Variants in PALM2AKAP2 observed in about 807,000 individuals in gnomAD.
The protein encoded by PALM2AKAP2 is PALM2 and AKAP2 fusion, also known as PALM2-AKAP2 fusion protein.
In PALM2AKAP2, 37 loss-of-function variants were observed where a neutral mutation model predicts 71.5. The observed-to-expected ratio is 0.52, with a 90% CI of 0.40 to 0.68. The LOEUF (loss-of-function observed/expected upper bound fraction) is 0.68, where lower values mean the gene tolerates loss of function less well. Among genes scored for constraint, PALM2AKAP2 ranks in the 30% least tolerant of loss-of-function variants. PALM2AKAP2 has a pLI of 0.00. For missense variants in PALM2AKAP2, 1,224 were observed against 1,191.8 expected, an observed-to-expected ratio of 1.03 and a Z score of -0.40; for synonymous variants, 468 against 478.8, an observed-to-expected ratio of 0.98 and a Z score of 0.29.
At chr9:109,793,225 T>C (rs1469695846) in intron 1 of PALM2AKAP2, among the ~76,000 whole-genome samples, 1 of 152,238 alleles carries the variant, frequency 6.6e-6, no homozygotes. Context: ...TGATCTAATA[T>C]GTGCTCAAGG....
intron 7 of PALM2AKAP2, chr9:110,025,099 C>T (rs1282172973): frequency 3.5e-6 from 4 of 1,133,092 alleles, no homozygotes; most frequent in Middle Eastern, 2.0e-4. Context: ...CACATTAATT[C>T]TCTTGGCAAG....
upstream of PALM2AKAP2, among the ~76,000 whole-genome samples, chr9:109,776,472 A>G (rs1829350176): frequency 6.6e-6 from 1 of 152,212 alleles, no homozygotes; most frequent in South Asian, 2.1e-4. Context: ...AAGCTTGGGC[A>G]ATGGGTACAA....
intron 1 of PALM2AKAP2, among the ~76,000 whole-genome samples, chr9:109,649,685 A>G (rs982345795): frequency 3.3e-5 from 5 of 152,204 alleles, no homozygotes; most frequent in African/African-American, 7.2e-5. Flanking sequence ...TGCATTTATT[A>G]TCCATTTCCA....
intron 6 of PALM2AKAP2, among the ~76,000 whole-genome samples, chr9:109,983,468 T>G (rs1224298634): frequency 1.3e-5 from 2 of 152,156 alleles, no homozygotes; most frequent in African/African-American, 4.8e-5. Flanking sequence ...CTCCCTCTTC[T>G]TTTCCTCTCT....
At chr9:109,649,462 A>G (rs1827196416) in intron 1 of PALM2AKAP2, among the ~76,000 whole-genome samples, 2 of 152,112 alleles carry the variant, frequency 1.3e-5, no homozygotes, top group South Asian at 4.1e-4. Context: ...GTTATCTTCA[A>G]TTTATTTTCT....
At chr9:109,732,164 A>G (rs990997771) in intron 1 of PALM2AKAP2, among the ~76,000 whole-genome samples, 1 of 152,356 alleles carries the variant, frequency 6.6e-6, no homozygotes, top group African/African-American at 2.4e-5. Context: ...CAATGTACAG[A>G]TCAATGGAAG....
chr9:109,807,333 A>T (rs774915122), intron 1 of PALM2AKAP2, among the ~76,000 whole-genome samples: 1 of 152,208 alleles, frequency 6.6e-6, no homozygotes, highest in Non-Finnish European at 1.5e-5. Context: ...GGAAGTGTTG[A>T]GTGGTCAGTG....
At chr9:109,963,070 A>G (rs935673920) in intron 6 of PALM2AKAP2, among the ~76,000 whole-genome samples, 3 of 152,188 alleles carry the variant, frequency 2.0e-5, no homozygotes, top group African/African-American at 7.2e-5. Context: ...AGTTATGAGG[A>G]CAGACATCCT....
intron 6 of PALM2AKAP2, among the ~76,000 whole-genome samples, chr9:109,998,713 G>A (rs1307720020): frequency 1.4e-5 from 2 of 147,718 alleles, no homozygotes; most frequent in Non-Finnish European, 3.0e-5. Flanking sequence ...GCTGCAGTAA[G>A]CTATGATTGC....
intron 1 of PALM2AKAP2, among the ~76,000 whole-genome samples, chr9:110,119,147 AT>A (rs1835427665): frequency 6.6e-6 from 1 of 152,064 alleles, no homozygotes; most frequent in Non-Finnish European, 1.5e-5. Context: ...GATCGAGACC[AT>A]CCTGGCCAAC....
intron 1 of PALM2AKAP2, among the ~76,000 whole-genome samples, chr9:109,665,497 GC>G (rs1314442455): frequency 6.6e-6 from 1 of 152,200 alleles, no homozygotes; most frequent in East Asian, 1.9e-4. Flanking sequence ...GACACTGTTT[GC>G]CTGGGTATCG....
chr9:109,754,013 G>A (rs930771193), intron 1 of PALM2AKAP2, among the ~76,000 whole-genome samples: 4 of 152,114 alleles, frequency 2.6e-5, no homozygotes, highest in African/African-American at 9.7e-5. Context: ...AAATAAATCT[G>A]CATATACACA....
At chr9:109,880,897 A>G (rs1195780229) in intron 3 of PALM2AKAP2, among the ~76,000 whole-genome samples, 2 of 152,066 alleles carry the variant, frequency 1.3e-5, no homozygotes, top group Non-Finnish European at 2.9e-5. Context: ...TTTAACTTTT[A>G]TTTTAAGTTT....
At chr9:109,853,663 T>C (rs1431027680) in intron 1 of PALM2AKAP2, among the ~76,000 whole-genome samples, 1 of 152,220 alleles carries the variant, frequency 6.6e-6, no homozygotes, top group East Asian at 1.9e-4. Context: ...AAGTGAAATG[T>C]GTTGTTCAAA....
chr9:110,136,062 G>T (rs1233810288), intron 1 of PALM2AKAP2, 65 bp from the exon 8 acceptor site: 1 of 1,494,284 alleles, frequency 6.7e-7, no homozygotes, highest in Non-Finnish European at 8.9e-7. Flanking sequence ...GAGTCAGTTT[G>T]TCAGCATTCA....
intron 1 of PALM2AKAP2, among the ~76,000 whole-genome samples, chr9:109,644,281 A>G (rs1827115788): frequency 6.6e-6 from 1 of 151,972 alleles, no homozygotes; most frequent in South Asian, 2.1e-4. Context: ...TGTGCCAAAT[A>G]CTGCCCCTAC....
exon 2 of PALM2AKAP2, chr9:110,137,483 G>A (rs1285105560): frequency 6.2e-7 from 1 of 1,614,102 alleles, no homozygotes; most frequent in East Asian, 2.2e-5. Flanking sequence ...GGGGAAGGAA[G>A]GGCCCTACAG....
In PALM2AKAP2 at chr9:110,069,892, G is replaced by A. The variant is rs538901095; in HGVS notation, c.156+21037G>A. On this transcript the variant is annotated intron_variant, in intron 1 of 3. Coordinates refer to ENST00000374525, the Ensembl canonical transcript of PALM2AKAP2. ...ATAGTTTTATAAGAATTTTTACTTC[G>A]GTTAAATCATAATCAGGCGGCTATT... Among the ~76,000 whole-genome samples the A allele has an allele frequency of 2.6e-5, 4 of 152,276 alleles. No homozygotes were observed. The South Asian group carries it at 6.2e-4, about 24-fold the overall frequency.
chr9:110,118,479 C>T (rs1225512214), intron 1 of PALM2AKAP2, among the ~76,000 whole-genome samples: 1 of 152,122 alleles, frequency 6.6e-6, no homozygotes, highest in African/African-American at 2.4e-5. Context: ...AGCTCCTGTC[C>T]TTAAGTGATC....
Sources: allele counts gnomAD v4.1 joint callset (sites outside exome capture counted in the v4.1 genomes callset), GRCh38; gene constraint gnomAD v4.1.1; transcripts MANE v1.5; gene names NCBI Gene and HGNC (gene_info 2026-07-23, HGNC 2026-07-21).